TMEM132B: variants seen among roughly 807,000 people sequenced by gnomAD.
The protein encoded by TMEM132B is transmembrane protein 132B.
A neutral mutation model predicts 90.8 loss-of-function variants in TMEM132B; 18 were observed. The observed-to-expected ratio is 0.20, with a 90% CI of 0.14 to 0.29. The LOEUF (loss-of-function observed/expected upper bound fraction) is 0.29, where lower values mean the gene tolerates loss of function less well. TMEM132B is among the 10% of genes least tolerant of loss of function. The pLI is 1.00. For missense variants in TMEM132B, 1,096 were observed against 1,326.8 expected, an observed-to-expected ratio of 0.83 and a Z score of 2.70; for synonymous variants, 504 against 523.3, an observed-to-expected ratio of 0.96 and a Z score of 0.50.
intron 4 of TMEM132B, among the ~76,000 whole-genome samples, chr12:125,574,735 A>G (rs1884892853): frequency 2.6e-5 from 4 of 151,960 alleles, no homozygotes; most frequent in East Asian, 1.9e-4. Flanking sequence ...GCCCTGTATT[A>G]TATCTACTTC....
At position 125,415,525 on chromosome 12, in the gene TMEM132B, C is replaced by G. The variant is rs1019125951; in HGVS notation, c.960-6C>G. On this transcript the variant is annotated splice_region_variant and splice_polypyrimidine_tract_variant and intron_variant, in intron 2 of 8. Transcript: ENST00000682704. The surrounding 1 kb of genome is among the most constrained non-coding windows in gnomAD (Gnocchi z 5.3). ...TATATAATATCATTGTTTTCCCACC[C>G]CACAGAATTAAGGCGGCAGCAGGTG... is the stretch of plus-strand genomic sequence containing the variant. 6.2e-7 allele frequency: 1 copy of G among 1,613,864 alleles called. No homozygotes were observed. The highest frequency in any genetic ancestry group is 1.3e-5 in the African/African-American group (1 of 74,914).
chr12:125,228,195 C>T (rs1322864042), intron 1 of TMEM132B, among the ~76,000 whole-genome samples: 2 of 152,102 alleles, frequency 1.3e-5, no homozygotes, highest in Non-Finnish European at 2.9e-5. Flanking sequence ...TTCCGCCTCT[C>T]GGTTTCCGAG....
In TMEM132B at chr12:125,531,181, G is replaced by GTTTTGT. The variant is rs563128695; in HGVS notation, c.1293+11574_1293+11579dup. ...TATTTTTTCTTTTTCTTTTCTTTTT[G>GTTTTGT]TTTTGTTTTTGTTTTTGTTTTTGAG... On this transcript the variant is annotated intron_variant, in intron 4 of 8. Transcript: ENST00000682704. 1.6e-3 allele frequency among the ~76,000 whole-genome samples: 248 copies of GTTTTGT among 152,036 alleles called. 1 individual carries two copies. The highest frequency in any genetic ancestry group is 5.8e-3 in the African/African-American group (239 of 41,476).
intron 2 of TMEM132B, among the ~76,000 whole-genome samples, chr12:125,357,079 T>C (rs1238977250): frequency 6.6e-6 from 1 of 152,246 alleles, no homozygotes; most frequent in Non-Finnish European, 1.5e-5. Context: ...AATAAATACT[T>C]GTTGAATGAA....
intron 3 of TMEM132B, among the ~76,000 whole-genome samples, chr12:125,441,245 T>C (rs1237008187): frequency 2.0e-5 from 3 of 152,186 alleles, no homozygotes; most frequent in Admixed American, 6.5e-5. Flanking sequence ...CATCCATGTC[T>C]AGATCAAAAG....
chr12:125,431,213 G>A (rs1880494168), intron 3 of TMEM132B, among the ~76,000 whole-genome samples: 1 of 152,108 alleles, frequency 6.6e-6, no homozygotes, highest in Non-Finnish European at 1.5e-5. Context: ...GAGCAAGGGT[G>A]GAGCCTGGGA....
intron 3 of TMEM132B, among the ~76,000 whole-genome samples, chr12:125,505,888 T>C (rs1051015776): frequency 4.6e-5 from 7 of 152,142 alleles, no homozygotes; most frequent in African/African-American, 1.4e-4. Flanking sequence ...CTATGTGGAA[T>C]TGAGTCCAAA....
chr12:125,554,829 A>G (rs1884329837), intron 4 of TMEM132B, among the ~76,000 whole-genome samples: 1 of 152,088 alleles, frequency 6.6e-6, no homozygotes. Flanking sequence ...AGTTAATTTA[A>G]ATGTTATTTT....
chr12:125,490,718 G>A lies in TMEM132B; in HGVS notation c.1107-28721G>A, dbSNP rs555548249. Among the ~76,000 whole-genome samples the A allele has an allele frequency of 5.3e-5, 8 of 152,196 alleles. No homozygotes were observed. The South Asian group carries it at 1.7e-3, about 32-fold the overall frequency. On this transcript the variant is annotated intron_variant, in intron 3 of 8. Transcript: ENST00000682704. The surrounding 1 kb of genome is among the most constrained non-coding windows in gnomAD (Gnocchi z 4.2). ...CCTGACCTCGTGATCCGCCCGTCTT[G>A]GCCTCCCAAAGTGCTGGGATTACAG... is the stretch of plus-strand genomic sequence containing the variant.
Position 125,583,870 on chromosome 12 carries a change from C to A in TMEM132B, c.1313C>A (p.Thr438Asn). The A allele has an allele frequency of 1.9e-6, 3 of 1,614,092 alleles. No individual in the cohort carries two copies. The highest frequency in any genetic ancestry group is 2.5e-6 in the Non-Finnish European group (3 of 1,180,008). Reference sequence around the variant, plus strand: ...GTTTAGGACACCGAGGTTTTGAACACTGCCATTCTCACTGGAAAGCCTGTT... The same window carrying A: ...GTTTAGGACACCGAGGTTTTGAACAATGCCATTCTCACTGGAAAGCCTGTT... ...PLAMDTEVLN[T>N]AILTGKPVSV... The change falls in exon 5 of 9, where the codon ACT (threonine) becomes AAT (asparagine). Residue 438 changes from threonine (T) to asparagine (N), a missense_variant. Coordinates refer to ENST00000682704, the MANE Select transcript of TMEM132B (RefSeq NM_001366854.1).
intron 1 of TMEM132B, among the ~76,000 whole-genome samples, chr12:125,268,512 C>T (rs1874747599): frequency 6.6e-6 from 1 of 152,238 alleles, no homozygotes; most frequent in Admixed American, 6.5e-5. Context: ...TATATATTGG[C>T]TGTAACCATC....
At chr12:125,256,680 G>C (rs529164755) in intron 1 of TMEM132B, among the ~76,000 whole-genome samples, 1 of 152,140 alleles carries the variant, frequency 6.6e-6, no homozygotes, top group Non-Finnish European at 1.5e-5. Context: ...GTATTAGGTT[G>C]GTGCAAAAAG....
intron 2 of TMEM132B, among the ~76,000 whole-genome samples, chr12:125,380,231 G>A (rs1566018235): frequency 6.6e-6 from 1 of 152,064 alleles, no homozygotes; most frequent in Non-Finnish European, 1.5e-5. Context: ...GTGGTGGCTG[G>A]CAATTCTTGG....
At chr12:125,369,021 C>T (rs951342693) in intron 2 of TMEM132B, among the ~76,000 whole-genome samples, 3 of 151,134 alleles carry the variant, frequency 2.0e-5, no homozygotes, top group African/African-American at 7.3e-5. Context: ...TCCCTCCCCC[C>T]TCCCCCGGCC....
intron 3 of TMEM132B, among the ~76,000 whole-genome samples, chr12:125,505,186 A>AC (rs34249661): frequency 6.8e-6 from 1 of 147,704 alleles, no homozygotes; most frequent in African/African-American, 2.5e-5. Flanking sequence ...AAAAAAAAAA[A>AC]AAAAAAAAAC....
intron 4 of TMEM132B, among the ~76,000 whole-genome samples, chr12:125,581,455 G>A (rs555225558): frequency 6.6e-6 from 1 of 152,274 alleles, no homozygotes; most frequent in South Asian, 2.1e-4. Context: ...GATTTTCTTT[G>A]TTTGGGCTTC....
intron 1 of TMEM132B, among the ~76,000 whole-genome samples, chr12:125,193,522 C>T (rs1872849947): frequency 6.6e-6 from 1 of 152,198 alleles, no homozygotes; most frequent in African/African-American, 2.4e-5. Context: ...ATGGTCAATG[C>T]AAGGCGATAT....
chr12:125,270,213 T>C (rs1197624832), intron 1 of TMEM132B, among the ~76,000 whole-genome samples: 1 of 151,526 alleles, frequency 6.6e-6, no homozygotes, highest in Non-Finnish European at 1.5e-5. Flanking sequence ...CACAGCTCAC[T>C]GCAGCCTCGA....
chr12:125,229,083 C>G (rs1434499681), intron 1 of TMEM132B, among the ~76,000 whole-genome samples: 3 of 152,326 alleles, frequency 2.0e-5, no homozygotes, highest in East Asian at 3.9e-4. Context: ...TGGAAGGAAG[C>G]CTGGGTCCCT....
Sources: gnomAD v4.1 joint callset for allele counts (sites outside exome capture counted in the v4.1 genomes callset) on GRCh38, gnomAD v4.1.1 for gene constraint, Gnocchi (gnomAD v3.1) non-coding constraint, MANE v1.5 for transcripts, NCBI Gene and HGNC (gene_info 2026-07-23, HGNC 2026-07-21) for gene names.